DLGAP1: variants seen among roughly 807,000 people sequenced by gnomAD.
DLGAP1 encodes DLG associated protein 1.
DLGAP1 carries 11 observed loss-of-function variants against 90.8 expected under a neutral mutation model. The observed-to-expected ratio is 0.12, with a 90% confidence interval of 0.08 to 0.20. The LOEUF (loss-of-function observed/expected upper bound fraction) is 0.20, where lower values mean the gene tolerates loss of function less well. DLGAP1 is among the 10% of genes least tolerant of loss of function. The pLI, the probability that DLGAP1 is intolerant of heterozygous loss-of-function variation, is 1.00. For synonymous variants in DLGAP1, 558 were observed against 540.7 expected (o/e 1.03, Z -0.44); for missense variants, 1,050 against 1,333.8 (o/e 0.79, Z 3.31).
chr18:4,371,332 T>C (rs1423167874), intron 1 of DLGAP1, among the ~76,000 whole-genome samples: 1 of 152,228 alleles, frequency 6.6e-6, no homozygotes, highest in East Asian at 1.9e-4. Context: ...GAGAAAGAAG[T>C]ACATTCCTCT....
At chr18:4,161,366 A>G (rs902348401) in intron 1 of DLGAP1, among the ~76,000 whole-genome samples, 3 of 152,084 alleles carry the variant, frequency 2.0e-5, no homozygotes, top group Admixed American at 6.6e-5. Context: ...TTCCTGCATT[A>G]GTTTGCTGAG....
chr18:3,728,292 C>T lies in DLGAP1; in HGVS notation c.1591+843G>A, dbSNP rs190405765. The stretch of plus-strand genomic sequence containing the variant: ...AGACAGTGGGATTTTCTTTTTGGAA[C>T]GCAAATGTTATATATATATATATAT... On this transcript the variant is annotated intron_variant, in intron 7 of 12. Transcript: ENST00000315677. Among the ~76,000 whole-genome samples the T allele has an allele frequency of 1.0e-3, 132 of 128,618 alleles. 2 individuals are homozygous for T. Among genetic ancestry groups the T allele is most frequent in the South Asian group, 8.1e-3 (31 of 3,830 alleles). 84.4% of individuals were successfully genotyped at this position (128,618 alleles called of 152,430 possible). A position where few individuals can be genotyped will look rare whatever the true frequency, so the allele number is the denominator to read the frequency against.
Position 4,451,574 on chromosome 18 carries a change from T to C in DLGAP1, c.-267+3432A>G, listed in dbSNP as rs1351652533. Among the ~76,000 whole-genome samples the C allele has an allele frequency of 3.3e-5, 5 of 152,308 alleles. No homozygotes were observed. In the South Asian group the frequency reaches 6.2e-4, roughly 19 times the overall value. On this transcript the variant is annotated intron_variant, in intron 1 of 12. Transcript: ENST00000315677. ...GAACAGCATCTTTGGCAATTCCTGATAGACCACACAACTAGAGAAAGTCAC... is the reference window on the plus strand; with the variant it reads ...GAACAGCATCTTTGGCAATTCCTGACAGACCACACAACTAGAGAAAGTCAC...
intron 7 of DLGAP1, among the ~76,000 whole-genome samples, chr18:3,599,039 G>T (rs1051171398): frequency 6.6e-6 from 1 of 152,304 alleles, no homozygotes; most frequent in East Asian, 1.9e-4. Context: ...CTCCCAAAGT[G>T]CTGGGATTAC....
intron 5 of DLGAP1, among the ~76,000 whole-genome samples, chr18:3,778,356 G>T (rs527687269): frequency 6.6e-6 from 1 of 152,050 alleles, no homozygotes; most frequent in African/African-American, 2.4e-5. Context: ...CAGGAGAATC[G>T]CTTGAACCCA....
At chr18:3,927,902 A>G (rs566036374) in intron 3 of DLGAP1, among the ~76,000 whole-genome samples, 14 of 152,346 alleles carry the variant, frequency 9.2e-5, no homozygotes, top group Admixed American at 4.6e-4. Flanking sequence ...TGGCTTGTAC[A>G]TCAATAGTTC....
intron 9 of DLGAP1, among the ~76,000 whole-genome samples, chr18:3,541,318 G>A (rs8085367): frequency 0.073 from 11,131 of 152,230 alleles, 1,202 homozygotes; most frequent in African/African-American, 0.24. Flanking sequence ...AAAGGAAGCT[G>A]TGAGGCTTAT....
intron 1 of DLGAP1, chr18:4,293,951 ATTCTAC>A (rs1224707148): frequency 1.3e-5 from 2 of 152,194 alleles, no homozygotes; most frequent in Non-Finnish European, 2.9e-5. Flanking sequence ...TAAACTTGGT[ATTCTAC>A]TTCTTTCTCC....
At position 4,219,798 on chromosome 18, in the gene DLGAP1, G is replaced by C. The variant is rs568364604; in HGVS notation, c.-266-68511C>G. On this transcript the variant is annotated intron_variant, in intron 1 of 12. Transcript: ENST00000315677. ...AAAAATGAATTGACTATAAATGGCTGGGTTTATTTCTGGTGTTTCTATCCT... is the reference window on the plus strand; with the variant it reads ...AAAAATGAATTGACTATAAATGGCTCGGTTTATTTCTGGTGTTTCTATCCT... 1.1e-4 allele frequency among the ~76,000 whole-genome samples: 17 copies of C among 152,144 alleles called. No individual in the cohort carries two copies. In the South Asian group the frequency reaches 3.5e-3, roughly 32 times the overall value.
chr18:3,837,337 C>T (rs2148607055), intron 4 of DLGAP1, among the ~76,000 whole-genome samples: 1 of 152,206 alleles, frequency 6.6e-6, no homozygotes, highest in East Asian at 1.9e-4. Flanking sequence ...AGGCATATGG[C>T]CCCCTTTCAG....
chr18:4,452,111 G>T (rs1410538799), intron 1 of DLGAP1, among the ~76,000 whole-genome samples: 1 of 152,130 alleles, frequency 6.6e-6, no homozygotes, highest in East Asian at 1.9e-4. Flanking sequence ...CTACATAAAA[G>T]TAGATTTTAA....
At position 3,880,029 on chromosome 18, in the gene DLGAP1, C is replaced by A. The variant is rs770606734; in HGVS notation, c.40G>T (p.Val14Phe). 2.5e-6 allele frequency: 4 copies of A among 1,606,904 alleles called. No individual in the cohort carries two copies. The South Asian group carries it at 4.4e-5, about 18-fold the overall frequency. ...LSGSRSHHHGVTCDSACDSLS... is the reference protein window; with the variant it reads ...LSGSRSHHHGFTCDSACDSLS... Reference sequence around the variant, plus strand: ...GAGTCACAGGCCGAGTCGCAGGTGACCCCGTGGTGATGGCTGCGGCTGCCT... The same window carrying A: ...GAGTCACAGGCCGAGTCGCAGGTGAACCCGTGGTGATGGCTGCGGCTGCCT... Residue 14 changes from valine to phenylalanine, a missense_variant, in exon 4 of 13, where the codon GTC (valine) becomes TTC (phenylalanine). This residue lies in a region of DLGAP1 where 485 missense variants were observed against 454.1 expected (regional missense o/e 1.07). Coordinates refer to ENST00000315677, the MANE Select transcript of DLGAP1 (RefSeq NM_004746.4).
chr18:3,859,239 T>C (rs978573601), intron 4 of DLGAP1, among the ~76,000 whole-genome samples: 3 of 152,184 alleles, frequency 2.0e-5, no homozygotes, highest in African/African-American at 7.2e-5. Context: ...TTCATCACCA[T>C]ATACGTGAAA....
At chr18:3,507,952 GTCTCGAACTCCT>G (rs2050336600) in intron 11 of DLGAP1, among the ~76,000 whole-genome samples, 2 of 152,130 alleles carry the variant, frequency 1.3e-5, no homozygotes, top group African/African-American at 4.8e-5. Context: ...GGCCAGGCTG[GTCTCGAACTCCT>G]GACCTCAGGT....
intron 1 of DLGAP1, among the ~76,000 whole-genome samples, chr18:4,151,865 TC>T (rs1200518430): frequency 1.3e-5 from 2 of 152,170 alleles, no homozygotes; most frequent in African/African-American, 4.8e-5. Flanking sequence ...TGCATGCGGG[TC>T]TTAAAACCTA....
At chr18:4,043,767 G>C (rs2075009950) in intron 2 of DLGAP1, among the ~76,000 whole-genome samples, 1 of 151,894 alleles carries the variant, frequency 6.6e-6, no homozygotes, top group Non-Finnish European at 1.5e-5. Context: ...TGGAGCAACG[G>C]GTATCCTTCA....
At chr18:4,338,360 G>A (rs1336191810) in intron 1 of DLGAP1, among the ~76,000 whole-genome samples, 1 of 152,138 alleles carries the variant, frequency 6.6e-6, no homozygotes, top group Non-Finnish European at 1.5e-5. Flanking sequence ...TGAGTACATA[G>A]TACATGTCCA....
chr18:4,251,671 A>G (rs552328261), intron 1 of DLGAP1, among the ~76,000 whole-genome samples: 6 of 152,326 alleles, frequency 3.9e-5, no homozygotes, highest in African/African-American at 1.4e-4. Flanking sequence ...TGTAACAGCC[A>G]CTATTAAAAA....
At chr18:3,594,652 CGTT>C (rs765672670) in intron 7 of DLGAP1, among the ~76,000 whole-genome samples, 23 of 152,024 alleles carry the variant, frequency 1.5e-4, no homozygotes, top group East Asian at 3.9e-4. Flanking sequence ...TGGGGATTTT[CGTT>C]GTTGTTGTTT....
Sources: gnomAD v4.1 joint callset for allele counts (sites outside exome capture counted in the v4.1 genomes callset) on GRCh38, gnomAD v4.1.1 for gene constraint, gnomAD v4.1.1 regional missense constraint, MANE v1.5 for transcripts, NCBI Gene and HGNC (gene_info 2026-07-23, HGNC 2026-07-21) for gene names.